Variants in HIBADH observed in about 807,000 individuals in gnomAD.
HIBADH encodes 3-hydroxyisobutyrate dehydrogenase, mitochondrial.
In HIBADH, 25 loss-of-function variants were observed where a neutral mutation model predicts 36.1. The observed-to-expected ratio is 0.69, with a 90% CI of 0.50 to 0.97. HIBADH has a LOEUF of 0.97. Ranked by LOEUF, HIBADH falls within the 50% of genes least tolerant of loss-of-function variation. HIBADH has a pLI of 0.00. For synonymous variants in HIBADH, 160 were observed against 149.5 expected, an observed-to-expected ratio of 1.07 and a Z score of -0.51; for missense variants, 421 against 418.0, an observed-to-expected ratio of 1.01 and a Z score of -0.06.
At chr7:27,545,143 G>T (rs1784218448) in intron 4 of HIBADH, among the ~76,000 whole-genome samples, 1 of 152,148 alleles carries the variant, frequency 6.6e-6, no homozygotes, top group African/African-American at 2.4e-5. Context: ...TAGTCCCACA[G>T]CCAAAGACCT....
intron 1 of HIBADH, among the ~76,000 whole-genome samples, chr7:27,650,253 T>G (rs956037165): frequency 4.1e-5 from 6 of 144,932 alleles, no homozygotes; most frequent in African/African-American, 1.5e-4. Context: ...CTCCCACAGT[T>G]ACAGAAACCA....
At chr7:27,526,682 A>G (rs1272954249) in intron 7 of HIBADH, among the ~76,000 whole-genome samples, 2 of 152,168 alleles carry the variant, frequency 1.3e-5, no homozygotes, top group African/African-American at 4.8e-5. Flanking sequence ...AATCTTTAAG[A>G]CATAAATTTT....
At chr7:27,587,807 C>A (rs1299926140) in intron 4 of HIBADH, among the ~76,000 whole-genome samples, 2 of 152,166 alleles carry the variant, frequency 1.3e-5, no homozygotes, top group Non-Finnish European at 2.9e-5. Flanking sequence ...CAAGGTACAG[C>A]TGTAATTCCA....
chr7:27,605,668 T>C (rs1213201118), intron 4 of HIBADH, among the ~76,000 whole-genome samples: 2 of 134,700 alleles, frequency 1.5e-5, no homozygotes, highest in African/African-American at 2.8e-5. Context: ...CCCCTCCAAA[T>C]ATTTCATTTT....
chr7:27,531,358 G>A lies in HIBADH; in HGVS notation c.696-10C>T. On this transcript the variant is annotated splice_polypyrimidine_tract_variant and intron_variant, in intron 6 of 7. Transcript: ENST00000265395. ...TGGGTCAAGCCCTAACCTGTCAAAG[G>A]TCAAAGAAAAGAAGTGTTAAGTGTC... The A allele has an allele frequency of 6.3e-7, 1 of 1,597,900 alleles. No homozygotes were observed. Among genetic ancestry groups the A allele is most frequent in the Middle Eastern group, 1.7e-4 (1 of 6,008 alleles).
chr7:27,571,373 C>T (rs1371143236), intron 4 of HIBADH, among the ~76,000 whole-genome samples: 1 of 152,074 alleles, frequency 6.6e-6, no homozygotes, highest in Non-Finnish European at 1.5e-5. Context: ...CAGGCATGTG[C>T]CACCATGCCC....
chr7:27,619,717 T>C lies in HIBADH; in HGVS notation c.484+9654A>G, dbSNP rs183472800. Among the ~76,000 whole-genome samples, 438 of 152,194 alleles carry C rather than the reference T, an allele frequency of 2.9e-3. 2 individuals are homozygous for C. Among genetic ancestry groups the C allele is most frequent in the Non-Finnish European group, 5.0e-3 (341 of 67,978 alleles). On this transcript the variant is annotated intron_variant, in intron 4 of 7. Coordinates refer to ENST00000265395, the MANE Select transcript of HIBADH (RefSeq NM_152740.4). ...AACAATAAACTACACAAGGAGAAGA[T>C]AAAAAGCTCAGAACTTGAAGATAGA...
intron 1 of HIBADH, among the ~76,000 whole-genome samples, chr7:27,650,205 G>C (rs12535844): frequency 1.3e-5 from 2 of 150,354 alleles, no homozygotes; most frequent in African/African-American, 4.9e-5. Context: ...GTAAGTCTTG[G>C]ACCAGCTTCA....
intron 1 of HIBADH, among the ~76,000 whole-genome samples, chr7:27,650,132 T>C (rs973581143): frequency 6.6e-6 from 1 of 152,074 alleles, no homozygotes; most frequent in South Asian, 2.1e-4. Flanking sequence ...ACTTATAATG[T>C]GAAGTATTCC....
intron 2 of HIBADH, among the ~76,000 whole-genome samples, chr7:27,635,635 G>C (rs907370086): frequency 6.6e-6 from 1 of 152,138 alleles, no homozygotes; most frequent in African/African-American, 2.4e-5. Flanking sequence ...CCATGAAAAG[G>C]GGCTAAGGGG....
At chr7:27,608,554 T>C (rs930221775) in intron 4 of HIBADH, among the ~76,000 whole-genome samples, 1 of 152,156 alleles carries the variant, frequency 6.6e-6, no homozygotes, top group Non-Finnish European at 1.5e-5. Flanking sequence ...AGTTTGATTA[T>C]GGTAGCAAGG....
At chr7:27,627,428 G>T (rs1404692631) in intron 4 of HIBADH, among the ~76,000 whole-genome samples, 5 of 152,104 alleles carry the variant, frequency 3.3e-5, no homozygotes, top group African/African-American at 1.2e-4. Flanking sequence ...GGAGGGAGGA[G>T]GATTTGAAGG....
chr7:27,658,133 G>A (rs189531628), intron 1 of HIBADH, among the ~76,000 whole-genome samples: 2 of 151,912 alleles, frequency 1.3e-5, no homozygotes, highest in South Asian at 2.1e-4. Flanking sequence ...CTGAATAAGC[G>A]CTTGGCAAAT....
At chr7:27,587,571 T>C (rs1190102691) in intron 4 of HIBADH, among the ~76,000 whole-genome samples, 1 of 152,182 alleles carries the variant, frequency 6.6e-6, no homozygotes, top group Non-Finnish European at 1.5e-5. Flanking sequence ...CACTGCCTTG[T>C]CTACATTCTC....
At chr7:27,648,034 T>A (rs1050684309) in intron 2 of HIBADH, among the ~76,000 whole-genome samples, 4 of 152,210 alleles carry the variant, frequency 2.6e-5, no homozygotes, top group Non-Finnish European at 5.9e-5. Flanking sequence ...TTACTCTTAC[T>A]AACAGATAAA....
chr7:27,555,927 C>T (rs1784382534), intron 4 of HIBADH, among the ~76,000 whole-genome samples: 1 of 152,140 alleles, frequency 6.6e-6, no homozygotes, highest in South Asian at 2.1e-4. Context: ...GGGTAGCCAA[C>T]TGCATTTCTT....
At chr7:27,582,542 T>C (rs1251206668) in intron 4 of HIBADH, among the ~76,000 whole-genome samples, 2 of 152,140 alleles carry the variant, frequency 1.3e-5, no homozygotes, top group African/African-American at 4.8e-5. Context: ...CGTAGAATTA[T>C]TGTAATAGTT....
chr7:27,660,664 G>A (rs200737619), intron 1 of HIBADH, among the ~76,000 whole-genome samples: 1 of 147,622 alleles, frequency 6.8e-6, no homozygotes, highest in Admixed American at 6.7e-5. Flanking sequence ...GACTCCGAGG[G>A]AAAAAAAAAA....
chr7:27,589,781 T>C (rs1420286586), intron 4 of HIBADH, among the ~76,000 whole-genome samples: 1 of 152,208 alleles, frequency 6.6e-6, no homozygotes, highest in African/African-American at 2.4e-5. Context: ...CAACCTTTTC[T>C]GTGGCAAAGA....
Sources: gnomAD v4.1 joint callset for allele counts (sites outside exome capture counted in the v4.1 genomes callset) on GRCh38, gnomAD v4.1.1 for gene constraint, MANE v1.5 for transcripts, NCBI Gene and HGNC (gene_info 2026-07-23, HGNC 2026-07-21) for gene names.